Variants in ADCY5 observed in about 807,000 individuals in gnomAD.
ADCY5 encodes the protein adenylate cyclase type 5.
A neutral mutation model predicts 119.7 loss-of-function variants in ADCY5; 30 were observed. That is an observed-to-expected ratio of 0.25 (90% CI 0.19 to 0.34). ADCY5 has a LOEUF of 0.34. Among genes scored for constraint, ADCY5 ranks in the 10% least tolerant of loss-of-function variants. The pLI, the probability that ADCY5 is intolerant of heterozygous loss-of-function variation, is 1.00. For missense variants in ADCY5, 1,324 were observed against 1,775.2 expected (o/e 0.75, Z 4.57); for synonymous variants, 753 against 762.2 (o/e 0.99, Z 0.20).
intron 12 of ADCY5, among the ~76,000 whole-genome samples, chr3:123,304,988 C>A (rs1359130234): frequency 6.6e-6 from 1 of 152,016 alleles, no homozygotes; most frequent in East Asian, 1.9e-4. Flanking sequence ...CCCTACCTGC[C>A]CCCAACACTT....
chr3:123,347,471 C>T (rs570622292), intron 3 of ADCY5, among the ~76,000 whole-genome samples: 53 of 152,264 alleles, frequency 3.5e-4, no homozygotes, highest in Admixed American at 7.2e-4. Flanking sequence ...TTCCATCTCT[C>T]TTGGTAGGCT....
chr3:123,366,309 G>C (rs1943434828), intron 1 of ADCY5, among the ~76,000 whole-genome samples: 1 of 152,216 alleles, frequency 6.6e-6, no homozygotes, highest in African/African-American at 2.4e-5. Context: ...GTTACTTGCA[G>C]AATATCAAAC....
At chr3:123,388,725 G>A (rs1274368550) in intron 1 of ADCY5, among the ~76,000 whole-genome samples, 2 of 152,206 alleles carry the variant, frequency 1.3e-5, no homozygotes, top group African/African-American at 4.8e-5. Context: ...AAGAATGGGA[G>A]TGGGGCCAGA....
intron 11 of ADCY5, 110 bp downstream of exon 11, chr3:123,317,910 G>C (rs1462434580): frequency 2.0e-6 from 2 of 979,574 alleles, no homozygotes; most frequent in Admixed American, 4.1e-5. Context: ...CCGTGCCTGA[G>C]CAAGTGCAGG....
intron 1 of ADCY5, among the ~76,000 whole-genome samples, chr3:123,387,448 G>A (rs981560718): frequency 1.3e-5 from 2 of 152,148 alleles, no homozygotes; most frequent in African/African-American, 2.4e-5. Flanking sequence ...CTTGGGAGTA[G>A]GTATTAATTG....
At chr3:123,303,776 G>T (rs188052904) in intron 13 of ADCY5, among the ~76,000 whole-genome samples, 37 of 152,090 alleles carry the variant, frequency 2.4e-4, no homozygotes, top group Admixed American at 2.4e-3. Flanking sequence ...AGTGAGCTGT[G>T]ATGGCACCAC....
intron 5 of ADCY5, among the ~76,000 whole-genome samples, chr3:123,329,333 A>T (rs564137580): frequency 6.6e-6 from 1 of 151,972 alleles, no homozygotes; most frequent in Non-Finnish European, 1.5e-5. Context: ...CTCAGGAGGG[A>T]AGGGGAGCCT....
In ADCY5 at chr3:123,447,792, C is replaced by G. The variant is rs771060863; in HGVS notation, c.754G>C (p.Val252Leu). ...LTMLMAVLVL[V>L]CLVMLAFHAA... ...TGGAAGGCCAACATGACCAGGCACA[C>G]GAGCACCAGCACGGCCATGAGCATG... The change falls in exon 1 of 21, where the codon GTG becomes CTG. Residue 252 changes from valine to leucine, a missense_variant. Val to Leu is a conservative substitution (Grantham distance 32). Coordinates refer to ENST00000462833, the MANE Select transcript of ADCY5 (RefSeq NM_183357.3). The G allele has an allele frequency of 3.4e-5, 55 of 1,611,356 alleles. No homozygotes were observed. The highest frequency in any genetic ancestry group is 1.7e-5 in the Admixed American group (1 of 59,910).
intron 1 of ADCY5, among the ~76,000 whole-genome samples, chr3:123,415,537 C>A (rs530551357): frequency 6.6e-6 from 1 of 152,152 alleles, no homozygotes; most frequent in Non-Finnish European, 1.5e-5. Flanking sequence ...CTCTCTTCAG[C>A]GTCTGCGGGA....
chr3:123,435,352 A>G (rs10048968), intron 1 of ADCY5, among the ~76,000 whole-genome samples: 150,832 of 152,310 alleles, frequency 0.99, 74,705 homozygotes, highest in Middle Eastern at 1. Context: ...GCTTGAGCAC[A>G]GTGGTGTGGG....
At chr3:123,307,300 G>A (rs551897159) in intron 12 of ADCY5, among the ~76,000 whole-genome samples, 13 of 152,046 alleles carry the variant, frequency 8.6e-5, no homozygotes, top group Non-Finnish European at 1.6e-4. Flanking sequence ...CCTCTTATTG[G>A]CTGTGTGATC....
intron 1 of ADCY5, among the ~76,000 whole-genome samples, chr3:123,397,256 C>T (rs1354952310): frequency 2.0e-5 from 3 of 152,160 alleles, no homozygotes; most frequent in Admixed American, 6.5e-5. Context: ...ATCACTTGCC[C>T]CTCTTCTGCC....
intron 10 of ADCY5, among the ~76,000 whole-genome samples, chr3:123,318,489 A>G (rs1184807937): frequency 6.6e-6 from 1 of 152,110 alleles, no homozygotes; most frequent in Admixed American, 6.5e-5. Flanking sequence ...TCGGAATAAA[A>G]CTGCTGTCAT....
chr3:123,391,809 C>A (rs1430639316), intron 1 of ADCY5, among the ~76,000 whole-genome samples: 2 of 152,210 alleles, frequency 1.3e-5, no homozygotes, highest in Non-Finnish European at 2.9e-5. Context: ...GACTGCCCTG[C>A]AGGTACAGGA....
chr3:123,328,253 G>A (rs1332032606), intron 6 of ADCY5, among the ~76,000 whole-genome samples: 1 of 152,116 alleles, frequency 6.6e-6, no homozygotes, highest in East Asian at 1.9e-4. Context: ...CCGCCTAGCA[G>A]CAGGCTCTTC....
At chr3:123,392,542 C>A (rs1388248424) in intron 1 of ADCY5, among the ~76,000 whole-genome samples, 1 of 152,210 alleles carries the variant, frequency 6.6e-6, no homozygotes, top group Admixed American at 6.5e-5. Flanking sequence ...AAAAGGTCAG[C>A]TGACCAAGGC....
chr3:123,430,969 C>T (rs72966564), intron 1 of ADCY5, among the ~76,000 whole-genome samples: 44,090 of 152,086 alleles, frequency 0.29, 6,570 homozygotes, highest in African/African-American at 0.35. Context: ...AAGCCCCATC[C>T]TTTCCTCACC....
chr3:123,426,725 G>C (rs1379228678), intron 1 of ADCY5, among the ~76,000 whole-genome samples: 1 of 152,176 alleles, frequency 6.6e-6, no homozygotes, highest in Non-Finnish European at 1.5e-5. Flanking sequence ...CCTGAGAAAG[G>C]AAGCTATGTG....
intron 1 of ADCY5, among the ~76,000 whole-genome samples, chr3:123,435,468 G>A (rs1308173854): frequency 1.3e-5 from 2 of 152,108 alleles, no homozygotes; most frequent in Admixed American, 6.5e-5. Context: ...AACCAATGAC[G>A]GAGTCCTCCA....
Sources: gnomAD v4.1 joint callset for allele counts (sites outside exome capture counted in the v4.1 genomes callset) on GRCh38, gnomAD v4.1.1 for gene constraint, MANE v1.5 for transcripts, NCBI Gene and HGNC (gene_info 2026-07-23, HGNC 2026-07-21) for gene names.